The following CNTN4 variants were observed in gnomAD, a reference collection of about 807,000 sequenced individuals.
CNTN4 encodes contactin-4.
CNTN4 carries 77 observed loss-of-function variants against 122.5 expected under a neutral mutation model. That is an observed-to-expected ratio of 0.63 (90% CI 0.52 to 0.76). The LOEUF is 0.76. Among genes scored for constraint, CNTN4 ranks in the 30% least tolerant of loss-of-function variants. The pLI is 0.00. For missense variants in CNTN4, 1,256 were observed against 1,259.1 expected (o/e 1.00, Z 0.04); for synonymous variants, 512 against 447.0 (o/e 1.15, Z -1.83).
intron 3 of CNTN4, among the ~76,000 whole-genome samples, chr3:2,537,075 G>A (rs1346531667): frequency 6.6e-6 from 1 of 152,112 alleles, no homozygotes; most frequent in Non-Finnish European, 1.5e-5. Flanking sequence ...TGCTACTGCA[G>A]TATACGAAAA....
In CNTN4 at chr3:2,870,899, A is replaced by G. The variant is rs770604830; in HGVS notation, c.652+3950A>G. Among the ~76,000 whole-genome samples, 47 of 152,168 alleles carry G rather than the reference A, an allele frequency of 3.1e-4. 1 individual carries two copies. The highest frequency in any genetic ancestry group is 1.5e-4 in the Non-Finnish European group (10 of 68,034). On this transcript the variant is annotated intron_variant, in intron 8 of 24. Coordinates refer to ENST00000418658, the MANE Select transcript of CNTN4 (RefSeq NM_175607.3). ...AGTGAGTCATAAAAGTTGAACAGTG[A>G]ACCTTGGCTCAGTTCCTAATACAAA...
At position 2,709,818 on chromosome 3, in the gene CNTN4, C is replaced by A. The variant is rs991615411; in HGVS notation, c.56-26397C>A. On this transcript the variant is annotated intron_variant, in intron 4 of 24. Coordinates refer to ENST00000418658, the MANE Select transcript of CNTN4 (RefSeq NM_175607.3). The surrounding 1 kb of genome is among the most constrained non-coding windows in gnomAD (Gnocchi z 5.0). ...AGTCCCAGCTACTTGGGAGGCTGAG[C>A]CAGGAGAGCCCGGGAGTCCAGCAGT... is the stretch of plus-strand genomic sequence containing the variant. Among the ~76,000 whole-genome samples, 1 of 151,830 alleles carries A rather than the reference C, an allele frequency of 6.6e-6. No individual in the cohort carries two copies. Among genetic ancestry groups the A allele is most frequent in the Non-Finnish European group, 1.5e-5 (1 of 67,930 alleles).
At chr3:2,993,234 A>G (rs568655982) in intron 14 of CNTN4, among the ~76,000 whole-genome samples, 118 of 152,196 alleles carry the variant, frequency 7.8e-4, no homozygotes, top group Middle Eastern at 3.4e-3. Flanking sequence ...ATTTTTTTAC[A>G]TATTAACTAA....
At chr3:3,048,082 C>T (rs2125851286) in intron 23 of CNTN4, among the ~76,000 whole-genome samples, 1 of 152,282 alleles carries the variant, frequency 6.6e-6, no homozygotes, top group African/African-American at 2.4e-5. Context: ...ACACCCTACA[C>T]CTCCTCAACT....
chr3:3,056,703 A>C lies in CNTN4; in HGVS notation c.*483A>C, dbSNP rs1225985104. 6.3e-6 allele frequency: 1 copy of C among 158,300 alleles called. No homozygotes were observed. The allele number at this position is 158,300 out of a possible 1,614,324, so 9.8% of individuals were successfully genotyped here. On this transcript the variant is annotated 3_prime_UTR_variant, in exon 25 of 25. Transcript: ENST00000418658. Reference sequence around the variant, plus strand: ...TTTTACAAGGATCTCATGGCAGAACAGCGGAAGACTTGGTCCGTAACTCAA... The same window carrying C: ...TTTTACAAGGATCTCATGGCAGAACCGCGGAAGACTTGGTCCGTAACTCAA...
At chr3:2,550,972 G>A (rs1201367001) in intron 3 of CNTN4, among the ~76,000 whole-genome samples, 7 of 152,054 alleles carry the variant, frequency 4.6e-5, no homozygotes, top group Non-Finnish European at 8.8e-5. Flanking sequence ...AGCTAGTGGA[G>A]GGATAGCATT....
At chr3:2,197,764 A>T (rs2037913965) in intron 2 of CNTN4, among the ~76,000 whole-genome samples, 2 of 152,078 alleles carry the variant, frequency 1.3e-5, no homozygotes, top group Admixed American at 1.3e-4. Flanking sequence ...GCCTGTAATA[A>T]CAGCACTTTA....
chr3:2,663,435 G>T, intron 4 of CNTN4, among the ~76,000 whole-genome samples: 1 of 152,228 alleles, frequency 6.6e-6, no homozygotes, highest in African/African-American at 2.4e-5. Flanking sequence ...TGGCTAGTTA[G>T]ATATTGTTCT....
intron 2 of CNTN4, among the ~76,000 whole-genome samples, chr3:2,206,075 A>G (rs1314282980): frequency 6.6e-6 from 1 of 152,100 alleles, no homozygotes; most frequent in African/African-American, 2.4e-5. Flanking sequence ...TGTTTTATAG[A>G]TACAAGCTCT....
At chr3:2,350,207 A>G (rs983879278) in intron 3 of CNTN4, among the ~76,000 whole-genome samples, 8 of 152,170 alleles carry the variant, frequency 5.3e-5, no homozygotes, top group Admixed American at 3.3e-4. Context: ...AGCTGTCTTC[A>G]GAGTAGGTAG....
At chr3:2,878,553 C>CTCTGTGTGTGTGTG (rs930160038) in intron 8 of CNTN4, among the ~76,000 whole-genome samples, 63 of 146,950 alleles carry the variant, frequency 4.3e-4, no homozygotes, top group Non-Finnish European at 7.1e-4. Flanking sequence ...GAGATGCTCT[C>CTCTGTGTGTGTGTG]TGTGTGTGTG....
At chr3:2,796,452 C>G (rs1238445002) in intron 6 of CNTN4, among the ~76,000 whole-genome samples, 1 of 152,110 alleles carries the variant, frequency 6.6e-6, no homozygotes, top group East Asian at 1.9e-4. Flanking sequence ...TTCAATATTC[C>G]TTTTAATTCT....
chr3:2,160,861 C>T (rs1431303678), intron 2 of CNTN4, among the ~76,000 whole-genome samples: 1 of 152,148 alleles, frequency 6.6e-6, no homozygotes, highest in Non-Finnish European at 1.5e-5. Flanking sequence ...TGAACACCTT[C>T]CTTCTGTACA....
chr3:2,250,525 G>A (rs1008993675), intron 2 of CNTN4, among the ~76,000 whole-genome samples: 1 of 151,828 alleles, frequency 6.6e-6, no homozygotes, highest in Non-Finnish European at 1.5e-5. Flanking sequence ...GCTAGAGGGA[G>A]GATATTGAAT....
chr3:2,580,293 A>G (rs1411769530), intron 4 of CNTN4, among the ~76,000 whole-genome samples: 3 of 152,168 alleles, frequency 2.0e-5, no homozygotes, highest in Non-Finnish European at 2.9e-5. Flanking sequence ...ACAAGTGCCA[A>G]TTAGAGACAT....
intron 6 of CNTN4, among the ~76,000 whole-genome samples, chr3:2,774,384 C>A (rs895132330): frequency 2.0e-5 from 3 of 152,148 alleles, no homozygotes; most frequent in Non-Finnish European, 2.9e-5. Flanking sequence ...CGCCATTGTT[C>A]CTTCTCTCTT....
At chr3:2,523,353 C>G (rs893786205) in intron 3 of CNTN4, among the ~76,000 whole-genome samples, 2 of 110,624 alleles carry the variant, frequency 1.8e-5, no homozygotes, top group Non-Finnish European at 3.9e-5. Flanking sequence ...AAGCAAGAGA[C>G]CTTAAAAAAA....
chr3:2,142,002 AT>A (rs2035018247), intron 2 of CNTN4, among the ~76,000 whole-genome samples: 1 of 152,150 alleles, frequency 6.6e-6, no homozygotes. Context: ...CACTACCATC[AT>A]TATGTATTTC....
intron 14 of CNTN4, among the ~76,000 whole-genome samples, chr3:2,996,067 C>G (rs1212123751): frequency 6.6e-6 from 1 of 152,000 alleles, no homozygotes; most frequent in Non-Finnish European, 1.5e-5. Context: ...TGTTTGCATA[C>G]AGAATACACA....
Sources: gnomAD v4.1 joint callset for allele counts (sites outside exome capture counted in the v4.1 genomes callset) on GRCh38, gnomAD v4.1.1 for gene constraint, Gnocchi (gnomAD v3.1) non-coding constraint, MANE v1.5 for transcripts, NCBI Gene and HGNC (gene_info 2026-07-23, HGNC 2026-07-21) for gene names.